Variants in COBLL1 observed in about 807,000 individuals in gnomAD.
The protein encoded by COBLL1 is cordon-bleu WH2 repeat protein like 1, also known as cordon-bleu protein-like 1.
A neutral mutation model predicts 94.8 loss-of-function variants in COBLL1; 50 were observed. The observed-to-expected ratio is 0.53, with a 90% CI of 0.42 to 0.67. COBLL1 has a LOEUF of 0.67. Among genes scored for constraint, COBLL1 ranks in the 30% least tolerant of loss-of-function variants. COBLL1 has a pLI of 0.00. For missense variants in COBLL1, 1,362 were observed against 1,348.7 expected (o/e 1.01, Z -0.15); for synonymous variants, 448 against 473.8 (o/e 0.95, Z 0.71).
chr2:164,764,360 T>G (rs191616029), intron 2 of COBLL1, among the ~76,000 whole-genome samples: 4 of 152,346 alleles, frequency 2.6e-5, no homozygotes, highest in Non-Finnish European at 5.9e-5. Flanking sequence ...TATCTAAATG[T>G]ATACTGCTAG....
chr2:164,759,919 A>G (rs778340249), intron 2 of COBLL1, among the ~76,000 whole-genome samples: 1 of 152,226 alleles, frequency 6.6e-6, no homozygotes, highest in Non-Finnish European at 1.5e-5. Flanking sequence ...AAGTGGAGAA[A>G]CTGGCTCTCT....
intron 13 of COBLL1, among the ~76,000 whole-genome samples, chr2:164,686,621 A>G (rs1683308746): frequency 6.6e-6 from 1 of 152,042 alleles, no homozygotes; most frequent in South Asian, 2.1e-4. Context: ...CTTAGTAAGT[A>G]AACTCCTAAG....
rs534296297 is a variant in COBLL1 at position 164,743,483 on chromosome 2, T to C, written c.230+204A>G. 4.1e-5 allele frequency: 19 copies of C among 459,056 alleles called. No individual in the cohort carries two copies. In the East Asian group the frequency reaches 6.6e-4, roughly 16 times the overall value. The allele number at this position is 459,056 out of a possible 1,614,324, so 28.4% of individuals were successfully genotyped here. A position where few individuals can be genotyped will look rare whatever the true frequency, so the allele number is the denominator to read the frequency against. ...AAATTTCAAGAGTCATTTAATTGGGTTTGTGGAATTCATAGCACTGATATT... is the reference window on the plus strand; with the variant it reads ...AAATTTCAAGAGTCATTTAATTGGGCTTGTGGAATTCATAGCACTGATATT... On this transcript the variant is annotated intron_variant, in intron 3 of 13. Transcript: ENST00000652658.
rs10563101 is a variant in COBLL1, at chr2:164,714,154, A to AACACACAC, written c.996+7913_996+7920dup. ...CCCTTGTCTAGGCACAATAGAAAGA[A>AACACACAC]ACACACACACACACACACACACACA... On this transcript the variant is annotated intron_variant, in intron 7 of 13. Transcript: ENST00000652658. Among the ~76,000 whole-genome samples, 541 of 148,472 alleles carry AACACACAC rather than the reference A, an allele frequency of 3.6e-3. 5 individuals are homozygous for AACACACAC. Among genetic ancestry groups the AACACACAC allele is most frequent in the African/African-American group, 0.013 (515 of 40,642 alleles).
At chr2:164,792,239 C>T (rs1683225787) in intron 2 of COBLL1, among the ~76,000 whole-genome samples, 1 of 152,038 alleles carries the variant, frequency 6.6e-6, no homozygotes, top group South Asian at 2.1e-4. Flanking sequence ...AGCAATCCTC[C>T]CACCTCAGCC....
intron 1 of COBLL1, among the ~76,000 whole-genome samples, chr2:164,670,770 A>G (rs990381284): frequency 8.5e-5 from 13 of 152,196 alleles, no homozygotes; most frequent in African/African-American, 3.1e-4. Context: ...AAGAGAGGCC[A>G]AATGGAAGCA....
At chr2:164,818,698 T>A (rs993704876) in intron 2 of COBLL1, among the ~76,000 whole-genome samples, 182 of 140,264 alleles carry the variant, frequency 1.3e-3, no homozygotes, top group Middle Eastern at 7.9e-3. Context: ...GTATATGTAC[T>A]TATGTAAACA....
intron 2 of COBLL1, among the ~76,000 whole-genome samples, chr2:164,804,636 G>C (rs1683995286): frequency 1.3e-5 from 2 of 152,134 alleles, no homozygotes; most frequent in Admixed American, 1.3e-4. Context: ...CTATTTTCTT[G>C]TGGTTCACTG....
chr2:164,803,347 C>T (rs1683909766), intron 2 of COBLL1, among the ~76,000 whole-genome samples: 1 of 151,766 alleles, frequency 6.6e-6, no homozygotes, highest in African/African-American at 2.4e-5. Context: ...GGGCGGATCA[C>T]GAGGTCAGGA....
intron 9 of COBLL1, among the ~76,000 whole-genome samples, chr2:164,702,363 A>G (rs148304485): frequency 0.031 from 4,711 of 151,828 alleles, 150 homozygotes; most frequent in African/African-American, 0.09. Context: ...GGAGATCGAG[A>G]CCATCCTGGC....
intron 2 of COBLL1, among the ~76,000 whole-genome samples, chr2:164,760,300 T>G (rs2105219206): frequency 6.6e-6 from 1 of 152,308 alleles, no homozygotes; most frequent in Admixed American, 6.5e-5. Flanking sequence ...CTCAAGGAGT[T>G]ACATACTGTA....
chr2:164,839,643 C>A (rs1221346511), intron 2 of COBLL1, among the ~76,000 whole-genome samples: 1 of 152,156 alleles, frequency 6.6e-6, no homozygotes, highest in East Asian at 1.9e-4. Context: ...TTAACCTAAT[C>A]CATTTCCAAA....
chr2:164,679,944 A>T (rs540360647), downstream of COBLL1, among the ~76,000 whole-genome samples: 1 of 150,552 alleles, frequency 6.6e-6, no homozygotes, highest in South Asian at 2.1e-4. Flanking sequence ...AATATAAATA[A>T]TAATAATAAT....
chr2:164,792,280 C>G (rs1447156832), intron 2 of COBLL1, among the ~76,000 whole-genome samples: 1 of 151,998 alleles, frequency 6.6e-6, no homozygotes. Context: ...AGGTGTGCAC[C>G]ACCACACCTG....
At position 164,728,059 on chromosome 2, in the gene COBLL1, T is replaced by C; in HGVS notation, c.571A>G (p.Lys191Glu). 1 of 1,613,838 alleles carries C rather than the reference T, an allele frequency of 6.2e-7. No individual in the cohort carries two copies. The highest frequency in any genetic ancestry group is 1.1e-5 in the South Asian group (1 of 91,082). ...AGAGGCTCCTGCGATTGATAATCTT[T>C]CAACAATAGTGTATGCAACGGATCA... ...EFDPLHTLLL[K>E]DYQSQEPLDL... The change falls in exon 5 of 14, where the codon AAA becomes GAA. Residue 191 changes from lysine to glutamate, a missense_variant. Transcript: ENST00000652658.
At chr2:164,764,944 T>C (rs1687863086) in intron 2 of COBLL1, among the ~76,000 whole-genome samples, 2 of 152,132 alleles carry the variant, frequency 1.3e-5, no homozygotes, top group South Asian at 2.1e-4. Flanking sequence ...TACAGAAATA[T>C]AACATTTGAT....
intron 5 of COBLL1, among the ~76,000 whole-genome samples, chr2:164,725,221 G>A (rs976165523): frequency 2.0e-5 from 3 of 149,378 alleles, no homozygotes; most frequent in Non-Finnish European, 4.4e-5. Flanking sequence ...AGACAAACAG[G>A]CATTAAACAG....
chr2:164,663,035 G>A (rs1691096719), intron 2 of COBLL1, among the ~76,000 whole-genome samples: 1 of 152,080 alleles, frequency 6.6e-6, no homozygotes, highest in Non-Finnish European at 1.5e-5. Flanking sequence ...CAGTTTCATG[G>A]TAGTAGACAT....
intron 11 of COBLL1, chr2:164,696,522 A>T (rs982275380): frequency 6.6e-6 from 1 of 152,178 alleles, no homozygotes; most frequent in African/African-American, 2.4e-5. Flanking sequence ...GAAATCAGTC[A>T]TAATGGTTTT....
Sources: allele counts gnomAD v4.1 joint callset (sites outside exome capture counted in the v4.1 genomes callset), GRCh38; gene constraint gnomAD v4.1.1; transcripts MANE v1.5; gene names NCBI Gene and HGNC (gene_info 2026-07-23, HGNC 2026-07-21).